The following USP42 variants were observed in gnomAD, a reference collection of about 807,000 sequenced individuals.
USP42 encodes the protein ubiquitin specific peptidase 42.
USP42 carries 23 observed loss-of-function variants against 113.0 expected under a neutral mutation model. The ratio of observed to expected loss-of-function variants is 0.20; its 90% CI spans 0.15 to 0.29. The LOEUF (loss-of-function observed/expected upper bound fraction) is 0.29, where lower values mean the gene tolerates loss of function less well. Ranked by LOEUF, USP42 falls within the 10% of genes least tolerant of loss-of-function variation. The pLI, the probability that USP42 is intolerant of heterozygous loss-of-function variation, is 1.00. For missense variants in USP42, 2,174 were observed against 1,779.8 expected, an observed-to-expected ratio of 1.22 and a Z score of -3.99; for synonymous variants, 933 against 699.0, an observed-to-expected ratio of 1.33 and a Z score of -5.28.
At chr7:6,101,190 T>C (rs560345657), upstream of USP42, among the ~76,000 whole-genome samples, 68 of 151,166 alleles carry the variant, frequency 4.5e-4, 2 homozygotes, top group Middle Eastern at 6.8e-3. Context: ...CTGTGAGTTA[T>C]AAGCAGCGAA....
chr7:6,154,525 C>A lies in USP42; in HGVS notation c.2971C>A (p.Gln991Lys), dbSNP rs765116121. 2.6e-5 allele frequency: 40 copies of A among 1,542,126 alleles called. No individual in the cohort carries two copies. Among genetic ancestry groups the A allele is most frequent in the Non-Finnish European group, 3.5e-5 (40 of 1,144,392 alleles). ...RRTCPRERDR[Q>K]DRHAPEHHPG... is the part of the protein sequence containing the mutation. ...CACCTGCCCCCGGGAGCGCGACCGC[C>A]AGGACCGCCACGCCCCGGAGCACCA... is the stretch of plus-strand genomic sequence containing the variant. The change falls in exon 15 of 18, where the codon CAG (glutamine) becomes AAG (lysine). Residue 991 changes from glutamine (Q) to lysine (K), a missense_variant. By Grantham distance (53) the Gln-to-Lys change is moderately conservative. Transcript: ENST00000306177.
the USP42 span, among the ~76,000 whole-genome samples, chr7:6,097,080 A>T: frequency 6.7e-6 from 1 of 150,366 alleles, no homozygotes; most frequent in Non-Finnish European, 1.5e-5. Flanking sequence ...CTAATTTTGT[A>T]TGTTTAGTAG....
At chr7:6,141,326 C>A (rs952020963) in intron 7 of USP42, among the ~76,000 whole-genome samples, 2 of 151,050 alleles carry the variant, frequency 1.3e-5, no homozygotes, top group African/African-American at 4.9e-5. Flanking sequence ...CCTCAGCCTC[C>A]CGAGTAGGTG....
intron 8 of USP42, 77 bp downstream of exon 8, chr7:6,143,091 T>C: frequency 2.0e-6 from 3 of 1,480,620 alleles, no homozygotes; most frequent in Non-Finnish European, 1.9e-6. Flanking sequence ...TTGAGAGAGT[T>C]TGGTGTGTCT....
At chr7:6,102,328 G>A (rs575926900), upstream of USP42, among the ~76,000 whole-genome samples, 2 of 150,202 alleles carry the variant, frequency 1.3e-5, no homozygotes, top group South Asian at 4.2e-4. Context: ...TGGCCAGGCT[G>A]GTCTCGAACT....
chr7:6,152,895 C>T, intron 14 of USP42: 1 of 984,204 alleles, frequency 1.0e-6, no homozygotes, highest in Middle Eastern at 5.2e-4. Flanking sequence ...CAAGAGAAAT[C>T]AGAGAAAGGG....
At chr7:6,103,282 G>A (rs117949406), upstream of USP42, among the ~76,000 whole-genome samples, 2,021 of 151,058 alleles carry the variant, frequency 0.013, 40 homozygotes, top group Middle Eastern at 0.061. Context: ...GTGAACAGGG[G>A]TCTATCCCCT....
chr7:6,125,838 A>T (rs2128490797), intron 3 of USP42, among the ~76,000 whole-genome samples: 1 of 148,976 alleles, frequency 6.7e-6, no homozygotes. Flanking sequence ...TTTGGTTTGA[A>T]ATGTCTTTAT....
At chr7:6,099,960 C>A (rs1790067557), upstream of USP42, among the ~76,000 whole-genome samples, 1 of 90,156 alleles carries the variant, frequency 1.1e-5, no homozygotes, top group South Asian at 3.5e-4. Context: ...GAGACTCCCT[C>A]TCAAAAAAAA....
the USP42 span, among the ~76,000 whole-genome samples, chr7:6,085,502 T>C: frequency 3.3e-5 from 5 of 150,260 alleles, no homozygotes; most frequent in Non-Finnish European, 7.4e-5. Context: ...ACATAATTAG[T>C]GAGTTAACAT....
At position 6,120,033 on chromosome 7, in the gene USP42, T is replaced by A. The variant is rs547181903; in HGVS notation, c.442+4510T>A. On this transcript the variant is annotated intron_variant, in intron 3 of 17. Coordinates refer to ENST00000306177, the MANE Select transcript of USP42 (RefSeq NM_032172.3). ...CGGGCTGGAGTGCAGTGGCGCTGTCTCGGCTCACTGCAACCTACGCCCCCG... is the reference window on the plus strand; with the variant it reads ...CGGGCTGGAGTGCAGTGGCGCTGTCACGGCTCACTGCAACCTACGCCCCCG... Among the ~76,000 whole-genome samples the A allele has an allele frequency of 4.6e-5, 7 of 152,324 alleles. No individual in the cohort carries two copies. The South Asian group carries it at 1.5e-3, about 32-fold the overall frequency.
the USP42 span, among the ~76,000 whole-genome samples, chr7:6,083,248 T>G: frequency 7.6e-5 from 11 of 144,632 alleles, no homozygotes; most frequent in South Asian, 2.1e-4. Context: ...ATTTATTTAT[T>G]TATTTATTTA....
In USP42 at chr7:6,158,134, C is replaced by G. The variant is rs1379054786; in HGVS notation, c.3943+1079C>G. 1.3e-5 allele frequency among the ~76,000 whole-genome samples: 2 copies of G among 152,190 alleles called. No individual in the cohort carries two copies. The highest frequency in any genetic ancestry group is 2.9e-5 in the Non-Finnish European group (2 of 68,038). On this transcript the variant is annotated intron_variant, in intron 16 of 17. Coordinates refer to ENST00000306177, the MANE Select transcript of USP42 (RefSeq NM_032172.3). The surrounding 1 kb of genome is among the most constrained non-coding windows in gnomAD (Gnocchi z 4.2). ...TTGGAAATAATCCCAAAGAACAATG[C>G]GTTTCACATGAAAATGATGTGAAAT...
chr7:6,083,811 T>C, the USP42 span, among the ~76,000 whole-genome samples: 10 of 150,748 alleles, frequency 6.6e-5, 1 homozygote, highest in Admixed American at 2.6e-4. Flanking sequence ...TCCCCTTCCT[T>C]ACTCAATCTG....
At chr7:6,156,617 C>T (rs530635887) in intron 15 of USP42, 137 bp from the exon 16 acceptor site, 52 of 1,331,922 alleles carry the variant, frequency 3.9e-5, no homozygotes, top group African/African-American at 1.2e-4. Context: ...ACCTGGCCTA[C>T]GTGGCTAATT....
chr7:6,103,994 A>G (rs73058621), upstream of USP42, among the ~76,000 whole-genome samples: 22,200 of 151,194 alleles, frequency 0.15, 2,240 homozygotes, highest in East Asian at 0.45. Flanking sequence ...TAAGACAGGA[A>G]CATCGCTTGA....
chr7:6,104,579 G>A (rs1302973106), upstream of USP42, among the ~76,000 whole-genome samples: 1 of 152,208 alleles, frequency 6.6e-6, no homozygotes, highest in Admixed American at 6.5e-5. Flanking sequence ...AGCGCAGGAC[G>A]AGGCGAAAGC....
the USP42 span, among the ~76,000 whole-genome samples, chr7:6,087,236 G>A: frequency 6.7e-6 from 1 of 150,368 alleles, no homozygotes; most frequent in Non-Finnish European, 1.5e-5. Flanking sequence ...TCACCATGTT[G>A]GCCAGGCTGG....
chr7:6,128,361 C>G (rs1780656343), intron 3 of USP42: 1 of 151,544 alleles, frequency 6.6e-6, no homozygotes, highest in Non-Finnish European at 1.5e-5. Flanking sequence ...CTCCTGGGCT[C>G]TAGGAATCCT....
Sources: allele counts gnomAD v4.1 joint callset (sites outside exome capture counted in the v4.1 genomes callset), GRCh38; gene constraint gnomAD v4.1.1; non-coding constraint Gnocchi (gnomAD v3.1); transcripts MANE v1.5; gene names NCBI Gene and HGNC (gene_info 2026-07-23, HGNC 2026-07-21).